Variants in EEPD1 observed in about 807,000 individuals in gnomAD.
EEPD1 encodes endonuclease/exonuclease/phosphatase family domain-containing protein 1.
In EEPD1, 17 loss-of-function variants were observed where a neutral mutation model predicts 46.3. The ratio of observed to expected loss-of-function variants is 0.37; its 90% CI spans 0.25 to 0.55. The LOEUF (loss-of-function observed/expected upper bound fraction) is 0.55. Ranked by LOEUF, EEPD1 falls within the 20% of genes least tolerant of loss-of-function variation. EEPD1 has a pLI of 0.83. For missense variants in EEPD1, 673 were observed against 745.6 expected (o/e 0.90, Z 1.13); for synonymous variants, 313 against 315.6 (o/e 0.99, Z 0.09).
chr7:36,294,293 A>G (rs926743405), intron 6 of EEPD1, among the ~76,000 whole-genome samples: 1 of 152,328 alleles, frequency 6.6e-6, no homozygotes, highest in African/African-American at 2.4e-5. Context: ...TCTAGTACTC[A>G]CTCAAATATT....
chr7:36,255,824 CTTCAA>C (rs1168276799), intron 3 of EEPD1, among the ~76,000 whole-genome samples: 1 of 151,898 alleles, frequency 6.6e-6, no homozygotes, highest in Non-Finnish European at 1.5e-5. Flanking sequence ...TCTCTATCTC[CTTCAA>C]TTCTTCTCTT....
At chr7:36,288,035 TA>T (rs984552710) in intron 6 of EEPD1, among the ~76,000 whole-genome samples, 8 of 152,204 alleles carry the variant, frequency 5.3e-5, no homozygotes, top group African/African-American at 1.9e-4. Context: ...TAGAAAGGAT[TA>T]GGGGGGAAGA....
At chr7:36,207,850 A>G (rs887990718) in intron 2 of EEPD1, among the ~76,000 whole-genome samples, 11 of 150,156 alleles carry the variant, frequency 7.3e-5, no homozygotes, top group African/African-American at 2.7e-4. Flanking sequence ...TTTGAACCCC[A>G]GGTGAACTGG....
intron 2 of EEPD1, among the ~76,000 whole-genome samples, chr7:36,167,675 C>T (rs1785009079): frequency 6.6e-6 from 1 of 152,064 alleles, no homozygotes; most frequent in Non-Finnish European, 1.5e-5. Context: ...GCACCAATTT[C>T]AGGTAGAGAT....
chr7:36,205,943 A>C (rs1785808648), intron 2 of EEPD1, among the ~76,000 whole-genome samples: 1 of 152,164 alleles, frequency 6.6e-6, no homozygotes, highest in Admixed American at 6.5e-5. Flanking sequence ...TGCCAAGTAC[A>C]ATGAGCTCAG....
At chr7:36,159,207 G>T (rs1583777727) in intron 2 of EEPD1, among the ~76,000 whole-genome samples, 2 of 152,230 alleles carry the variant, frequency 1.3e-5, no homozygotes, top group African/African-American at 4.8e-5. Context: ...TCAGGGATCA[G>T]CTTCGCCCTG....
intron 3 of EEPD1, among the ~76,000 whole-genome samples, chr7:36,241,538 G>A (rs1306163652): frequency 6.6e-6 from 1 of 152,052 alleles, no homozygotes. Flanking sequence ...CCTAGTGCTG[G>A]GGTGTATCAG....
At chr7:36,171,332 A>G (rs1239471637) in intron 2 of EEPD1, among the ~76,000 whole-genome samples, 1 of 152,212 alleles carries the variant, frequency 6.6e-6, no homozygotes, top group Non-Finnish European at 1.5e-5. Context: ...ACCCAGCAGA[A>G]AAGCCAAAAC....
At position 36,154,650 on chromosome 7, in the gene EEPD1, A is replaced by C. The variant is rs1583774331; in HGVS notation, c.326A>C (p.His109Pro). ...AGCAGCAAGGGCAGCTCAGCGCAGC[A>C]CTCTCCCAGTTCCCTGCGGCGGGAC... ...CVSSKGSSAQ[H>P]SPSSLRRDLL... Residue 109 changes from histidine to proline, a missense_variant, in exon 2 of 8, where the codon CAC becomes CCC. By Grantham distance (77) the His-to-Pro change is moderately conservative (BLOSUM62 -2). Transcript: ENST00000242108. This position sits in a 1 kb window ranked among gnomAD's most constrained non-coding sequence, Gnocchi z 4.2. 1 of 1,613,318 alleles carries C rather than the reference A, an allele frequency of 6.2e-7. No individual in the cohort carries two copies. The highest frequency in any genetic ancestry group is 8.5e-7 in the Non-Finnish European group (1 of 1,179,908).
chr7:36,273,225 GA>G (rs1787138311), intron 3 of EEPD1, among the ~76,000 whole-genome samples: 2 of 152,242 alleles, frequency 1.3e-5, no homozygotes, highest in Admixed American at 1.3e-4. Context: ...TTACCTTTCT[GA>G]GCCCTGGTTT....
Position 36,203,070 on chromosome 7 carries a change from G to A in EEPD1, c.879-35915G>A, listed in dbSNP as rs193268387. On this transcript the variant is annotated intron_variant, in intron 2 of 7. Coordinates refer to ENST00000242108, the MANE Select transcript of EEPD1 (RefSeq NM_030636.3). ...TCTTGACATGTCAGGGATAAGTGTT[G>A]GGTTCTGGGTTTGGGTCTCTGGCTC... is the stretch of plus-strand genomic sequence containing the variant. Among the ~76,000 whole-genome samples the A allele has an allele frequency of 5.3e-3, 811 of 152,316 alleles. 5 individuals carry two copies. Among genetic ancestry groups the A allele is most frequent in the African/African-American group, 0.019 (783 of 41,576 alleles).
chr7:36,289,177 A>G (rs1373834305), intron 6 of EEPD1, among the ~76,000 whole-genome samples: 3 of 152,248 alleles, frequency 2.0e-5, no homozygotes, highest in South Asian at 4.1e-4. Flanking sequence ...GGTAAAATAT[A>G]TGTAACATAA....
intron 2 of EEPD1, among the ~76,000 whole-genome samples, chr7:36,159,834 G>A (rs1384322105): frequency 2.0e-5 from 3 of 152,226 alleles, no homozygotes; most frequent in Non-Finnish European, 4.4e-5. Context: ...AGCCCCTCAA[G>A]TGTGAGTCTG....
intron 2 of EEPD1, among the ~76,000 whole-genome samples, chr7:36,155,737 G>A (rs1005751493): frequency 6.6e-6 from 1 of 152,060 alleles, no homozygotes; most frequent in Non-Finnish European, 1.5e-5. Context: ...ATTTAACCTG[G>A]AGTTGGTTTT....
intron 3 of EEPD1, among the ~76,000 whole-genome samples, chr7:36,245,044 C>T (rs1786615122): frequency 6.6e-6 from 1 of 151,986 alleles, no homozygotes; most frequent in Admixed American, 6.6e-5. Flanking sequence ...CTCCCAGGTG[C>T]AAGCAATTCT....
At chr7:36,191,369 G>A (rs952858918) in intron 2 of EEPD1, among the ~76,000 whole-genome samples, 21 of 152,214 alleles carry the variant, frequency 1.4e-4, no homozygotes, top group Non-Finnish European at 2.9e-4. Flanking sequence ...GCATGGAGGA[G>A]AGTGTATGCA....
intron 3 of EEPD1, among the ~76,000 whole-genome samples, chr7:36,252,095 C>G (rs2115811534): frequency 6.6e-6 from 1 of 152,262 alleles, no homozygotes; most frequent in East Asian, 1.9e-4. Context: ...TCTTCATACT[C>G]TGAAAGTTTC....
chr7:36,293,594 AC>A (rs551307764), intron 6 of EEPD1, among the ~76,000 whole-genome samples: 102 of 152,280 alleles, frequency 6.7e-4, no homozygotes, highest in African/African-American at 2.4e-3. Flanking sequence ...CTCCACTTTT[AC>A]CCACTCTACT....
At chr7:36,197,891 A>T (rs1236515695) in intron 2 of EEPD1, among the ~76,000 whole-genome samples, 11 of 146,066 alleles carry the variant, frequency 7.5e-5, no homozygotes, top group South Asian at 6.4e-4. Context: ...AATGATCAAT[A>T]AAAAAAAAAA....
Sources: gnomAD v4.1 joint callset for allele counts (sites outside exome capture counted in the v4.1 genomes callset) on GRCh38, gnomAD v4.1.1 for gene constraint, Gnocchi (gnomAD v3.1) non-coding constraint, MANE v1.5 for transcripts, NCBI Gene and HGNC (gene_info 2026-07-23, HGNC 2026-07-21) for gene names.